The following ATP10B variants were observed in gnomAD, a reference collection of about 807,000 sequenced individuals.
The protein encoded by ATP10B is ATPase phospholipid transporting 10B (putative), also known as phospholipid-transporting ATPase VB.
A neutral mutation model predicts 141.2 loss-of-function variants in ATP10B; 122 were observed. The observed-to-expected ratio is 0.86, with a 90% CI of 0.75 to 1.00. The LOEUF (loss-of-function observed/expected upper bound fraction) is 1.00. Among genes scored for constraint, ATP10B ranks in the 50% least tolerant of loss-of-function variants. The probability of loss-of-function intolerance (pLI) is 0.00; values close to 1 mark genes in which losing one functional copy is unlikely to be tolerated. For missense variants in ATP10B, 1,876 were observed against 1,825.3 expected (o/e 1.03, Z -0.51); for synonymous variants, 685 against 692.0 (o/e 0.99, Z 0.16).
intron 7 of ATP10B, among the ~76,000 whole-genome samples, chr5:160,649,937 C>G (rs934880357): frequency 6.6e-6 from 1 of 151,308 alleles, no homozygotes; most frequent in Non-Finnish European, 1.5e-5. Context: ...GGTGAAACCC[C>G]GTCTCTACTA....
At chr5:160,871,388 G>A in the ATP10B span, among the ~76,000 whole-genome samples, 2 of 151,976 alleles carry the variant, frequency 1.3e-5, no homozygotes, top group East Asian at 1.9e-4. Context: ...TTTTTCCATA[G>A]GTTATTGCCG....
the ATP10B span, among the ~76,000 whole-genome samples, chr5:160,916,234 G>A: frequency 1.3e-5 from 2 of 152,172 alleles, no homozygotes; most frequent in Non-Finnish European, 2.9e-5. Flanking sequence ...CTGGATTTGG[G>A]GATGTATGTG....
intron 1 of ATP10B, among the ~76,000 whole-genome samples, chr5:160,811,221 T>C (rs10066315): frequency 0.38 from 58,049 of 152,056 alleles, 11,199 homozygotes; most frequent in African/African-American, 0.39. Flanking sequence ...CTGAAACTTG[T>C]TGGCTTCAGG....
intron 6 of ATP10B, among the ~76,000 whole-genome samples, chr5:160,676,646 C>T (rs1470093931): frequency 2.0e-5 from 3 of 152,046 alleles, no homozygotes; most frequent in Non-Finnish European, 2.9e-5. Context: ...GTATATTTTT[C>T]TTGAATACAG....
intron 1 of ATP10B, among the ~76,000 whole-genome samples, chr5:160,839,274 G>T (rs1326253213): frequency 6.6e-6 from 1 of 152,112 alleles, no homozygotes; most frequent in African/African-American, 2.4e-5. Context: ...CTTCAGATGA[G>T]AATATATTTA....
intron 2 of ATP10B, among the ~76,000 whole-genome samples, chr5:160,766,061 T>C (rs1769382617): frequency 6.6e-6 from 1 of 152,080 alleles, no homozygotes; most frequent in Non-Finnish European, 1.5e-5. Context: ...AAATAGATGT[T>C]GGCGTGGATG....
chr5:160,819,836 AAAG>A (rs1314457186), intron 1 of ATP10B, among the ~76,000 whole-genome samples: 2 of 152,282 alleles, frequency 1.3e-5, no homozygotes, highest in African/African-American at 4.8e-5. Context: ...ATGGATACAG[AAAG>A]AATAAAAAGC....
At chr5:160,871,827 T>C in the ATP10B span, among the ~76,000 whole-genome samples, 2 of 152,222 alleles carry the variant, frequency 1.3e-5, no homozygotes, top group African/African-American at 2.4e-5. Context: ...CTGTCATAAA[T>C]GTGTGTGCGT....
At chr5:160,733,370 T>A (rs202020362) in intron 2 of ATP10B, among the ~76,000 whole-genome samples, 2 of 152,052 alleles carry the variant, frequency 1.3e-5, no homozygotes, top group East Asian at 3.9e-4. Context: ...ATGAAAGAAA[T>A]GAAAGGAGTC....
intron 1 of ATP10B, among the ~76,000 whole-genome samples, chr5:160,806,886 G>A (rs1385264452): frequency 6.6e-6 from 1 of 152,084 alleles, no homozygotes; most frequent in Non-Finnish European, 1.5e-5. Context: ...GATGTTTATG[G>A]CAACAGAGCA....
At chr5:160,789,331 C>A (rs558267439) in intron 1 of ATP10B, among the ~76,000 whole-genome samples, 2 of 152,098 alleles carry the variant, frequency 1.3e-5, no homozygotes, top group Non-Finnish European at 2.9e-5. Context: ...TGTGTAAACA[C>A]CATAGAGTGA....
At chr5:160,882,086 T>C in the ATP10B span, among the ~76,000 whole-genome samples, 2 of 152,198 alleles carry the variant, frequency 1.3e-5, no homozygotes, top group African/African-American at 4.8e-5. Flanking sequence ...GTGGTTGCCA[T>C]TGGAAGGGGG....
chr5:160,666,253 TG>T (rs1762310620), intron 7 of ATP10B, among the ~76,000 whole-genome samples: 1 of 152,176 alleles, frequency 6.6e-6, no homozygotes, highest in African/African-American at 2.4e-5. Context: ...TTTAAAAATA[TG>T]CACACTCAAG....
At chr5:160,687,041 G>C in intron 5 of ATP10B, 1 of 788,260 alleles carries the variant, frequency 1.3e-6, no homozygotes, top group Non-Finnish European at 1.5e-6. Context: ...ACATTCTGCT[G>C]ACTTCTGTCC....
intron 1 of ATP10B, among the ~76,000 whole-genome samples, chr5:160,814,031 TA>T (rs1257785209): frequency 6.6e-6 from 1 of 151,680 alleles, no homozygotes; most frequent in African/African-American, 2.4e-5. Context: ...CAAAGATGGG[TA>T]AAAAACAGAG....
At chr5:160,689,846 G>A (rs911923330) in intron 3 of ATP10B, among the ~76,000 whole-genome samples, 3 of 152,054 alleles carry the variant, frequency 2.0e-5, no homozygotes, top group Non-Finnish European at 4.4e-5. Flanking sequence ...CACAGAATTT[G>A]AAAAAACTAC....
chr5:160,847,135 G>A (rs566662228), intron 1 of ATP10B, among the ~76,000 whole-genome samples: 1 of 152,282 alleles, frequency 6.6e-6, no homozygotes, highest in South Asian at 2.1e-4. Flanking sequence ...TTGTCTGCAT[G>A]ATTGCAAGCA....
chr5:160,821,762 G>A (rs1168799714), intron 1 of ATP10B, among the ~76,000 whole-genome samples: 1 of 152,056 alleles, frequency 6.6e-6, no homozygotes, highest in Admixed American at 6.6e-5. Context: ...GTGGGGGAAA[G>A]AGCAGTCTCG....
intron 11 of ATP10B, among the ~76,000 whole-genome samples, chr5:160,635,086 G>A (rs1187358256): frequency 1.3e-5 from 2 of 152,024 alleles, no homozygotes; most frequent in African/African-American, 4.8e-5. Context: ...TTGCCTTCCA[G>A]TGACAAAGAA....
Sources: allele counts gnomAD v4.1 joint callset (sites outside exome capture counted in the v4.1 genomes callset), GRCh38; gene constraint gnomAD v4.1.1; transcripts MANE v1.5; gene names NCBI Gene and HGNC (gene_info 2026-07-23, HGNC 2026-07-21).